The following CDKL4 variants were observed in gnomAD, a reference collection of about 807,000 sequenced individuals.
The protein encoded by CDKL4 is cyclin dependent kinase like 4, also known as cyclin-dependent kinase-like 4.
CDKL4 carries 44 observed loss-of-function variants against 42.0 expected under a neutral mutation model. The observed-to-expected ratio is 1.05, with a 90% CI of 0.82 to 1.35. CDKL4 has a LOEUF of 1.35. Among genes scored for constraint, CDKL4 ranks in the 40% most tolerant of loss-of-function variants. The pLI is 0.00. For missense variants in CDKL4, 393 were observed against 369.9 expected, an observed-to-expected ratio of 1.06 and a Z score of -0.51; for synonymous variants, 120 against 121.6, an observed-to-expected ratio of 0.99 and a Z score of 0.09.
intron 1 of CDKL4, among the ~76,000 whole-genome samples, chr2:39,235,985 T>A (rs1322746907): frequency 6.6e-6 from 1 of 151,802 alleles, no homozygotes; most frequent in African/African-American, 2.4e-5. Flanking sequence ...GACTCAGATG[T>A]TGGATTTAGC....
chr2:39,178,815 C>T, intron 9 of CDKL4: 1 of 1,543,096 alleles, frequency 6.5e-7, no homozygotes, highest in Non-Finnish European at 8.7e-7. Flanking sequence ...CTGGAGGCTA[C>T]AGAAAGGCAC....
intron 8 of CDKL4, among the ~76,000 whole-genome samples, 182 bp downstream of exon 8, chr2:39,184,409 G>A (rs527977145): frequency 2.0e-5 from 3 of 152,280 alleles, no homozygotes; most frequent in East Asian, 1.9e-4. Context: ...AGATATGTTA[G>A]AACAATTACT....
At chr2:39,176,674 T>C (rs909438864) in intron 9 of CDKL4, among the ~76,000 whole-genome samples, 2 of 152,172 alleles carry the variant, frequency 1.3e-5, no homozygotes, top group African/African-American at 4.8e-5. Flanking sequence ...CCTCAGGTGA[T>C]CCACCTGCCT....
intron 6 of CDKL4, among the ~76,000 whole-genome samples, chr2:39,189,932 G>T (rs1385934977): frequency 6.6e-6 from 1 of 152,128 alleles, no homozygotes; most frequent in Non-Finnish European, 1.5e-5. Context: ...TAGAGTAAAG[G>T]GGGGAACCTC....
chr2:39,170,292 A>G, the CDKL4 span, among the ~76,000 whole-genome samples: 970 of 136,092 alleles, frequency 7.1e-3, 8 homozygotes, highest in Non-Finnish European at 0.011. Context: ...AAAAAAAAAA[A>G]AAAGAAAGAA....
chr2:39,207,283 G>T (rs1003551544), intron 4 of CDKL4, among the ~76,000 whole-genome samples: 1 of 152,120 alleles, frequency 6.6e-6, no homozygotes, highest in African/African-American at 2.4e-5. Flanking sequence ...TACACAAGAC[G>T]CTGAGATGGG....
intron 3 of CDKL4, among the ~76,000 whole-genome samples, chr2:39,215,988 C>T (rs1320587167): frequency 6.6e-6 from 1 of 152,196 alleles, no homozygotes; most frequent in African/African-American, 2.4e-5. Context: ...CCTGAAACAA[C>T]ATTGCGTACA....
the CDKL4 span, among the ~76,000 whole-genome samples, chr2:39,170,466 T>C: frequency 1.3e-3 from 196 of 152,176 alleles, 3 homozygotes; most frequent in African/African-American, 4.5e-3. Context: ...GTTGTTGTTG[T>C]TGTTTTTGAG....
chr2:39,235,137 C>G (rs1285429557), intron 1 of CDKL4, among the ~76,000 whole-genome samples: 1 of 152,068 alleles, frequency 6.6e-6, no homozygotes, highest in African/African-American at 2.4e-5. Context: ...CTTGGCCTCC[C>G]AAAATGTTGG....
chr2:39,173,962 A>G (rs533417810), downstream of CDKL4, among the ~76,000 whole-genome samples: 1 of 152,240 alleles, frequency 6.6e-6, no homozygotes, highest in Non-Finnish European at 1.5e-5. Flanking sequence ...TTGGTGACAG[A>G]GTCAGACCCT....
chr2:39,203,779 C>G (rs565773414), intron 5 of CDKL4, among the ~76,000 whole-genome samples: 9 of 152,282 alleles, frequency 5.9e-5, no homozygotes, highest in African/African-American at 2.2e-4. Context: ...TTTTCAGCCG[C>G]ATGGCACAGG....
intron 4 of CDKL4, among the ~76,000 whole-genome samples, chr2:39,207,714 A>G (rs2148341041): frequency 6.6e-6 from 1 of 152,352 alleles, no homozygotes; most frequent in African/African-American, 2.4e-5. Context: ...GACATATTCC[A>G]AAGAAACAGG....
At chr2:39,201,971 CAT>C (rs1189906790) in intron 5 of CDKL4, among the ~76,000 whole-genome samples, 1 of 152,160 alleles carries the variant, frequency 6.6e-6, no homozygotes, top group African/African-American at 2.4e-5. Context: ...GTGGCTAACA[CAT>C]GTAATCCCAG....
intron 1 of CDKL4, among the ~76,000 whole-genome samples, chr2:39,232,917 C>T (rs928798984): frequency 4.6e-5 from 7 of 151,312 alleles, no homozygotes; most frequent in East Asian, 1.9e-4. Flanking sequence ...TGGTGGCACG[C>T]GCCTGTAGTC....
At chr2:39,213,517 G>C (rs1334613766) in intron 3 of CDKL4, 45 bp from the exon 4 acceptor site, 1 of 1,347,190 alleles carries the variant, frequency 7.4e-7, no homozygotes, top group East Asian at 2.3e-5. Context: ...ATAGGATAGA[G>C]TTCCAGAAGC....
rs774170171 is a variant in CDKL4 at position 39,213,380 on chromosome 2, C to T, written c.363+20G>A. ...GTCATCATGAAGAAATGAATAAATA[C>T]ATTAGAAAATGTTACTTACGTTATG... On this transcript the variant is annotated intron_variant, in intron 4 of 9. Coordinates refer to ENST00000451199, the Ensembl canonical transcript of CDKL4. 1.3e-5 allele frequency: 18 copies of T among 1,434,414 alleles called. No individual in the cohort carries two copies. Among genetic ancestry groups the T allele is most frequent in the Non-Finnish European group, 1.8e-5 (18 of 1,022,618 alleles). The allele number at this position is 1,434,414 out of a possible 1,614,324, so 88.9% of individuals were successfully genotyped here. A position where few individuals can be genotyped will look rare whatever the true frequency, so the allele number is the denominator to read the frequency against.
chr2:39,218,899 T>A (rs1339956794), intron 3 of CDKL4, among the ~76,000 whole-genome samples: 1 of 152,158 alleles, frequency 6.6e-6, no homozygotes. Flanking sequence ...ATAATAAATT[T>A]CCTGTTATCA....
rs753058460 is a variant in CDKL4 at position 39,184,578 on chromosome 2, G to A, written c.792+13C>T. The A allele has an allele frequency of 3.8e-6, 6 of 1,594,288 alleles. No individual in the cohort carries two copies. Among genetic ancestry groups the A allele is most frequent in the Non-Finnish European group, 4.3e-6 (5 of 1,163,934 alleles). ...TTTATAGCTAATAAGAGTTATAATT[G>A]ATTCTTAAGTACCTTCATGAAGTTC... On this transcript the variant is annotated intron_variant, in intron 8 of 9. Transcript: ENST00000451199.
downstream of CDKL4, among the ~76,000 whole-genome samples, chr2:39,174,130 C>T (rs1253340346): frequency 2.6e-5 from 4 of 151,982 alleles, no homozygotes; most frequent in Non-Finnish European, 5.9e-5. Context: ...CCTTGCTGGG[C>T]GTGTTGGCGC....
Sources: gnomAD v4.1 joint callset for allele counts (sites outside exome capture counted in the v4.1 genomes callset) on GRCh38, gnomAD v4.1.1 for gene constraint, MANE v1.5 for transcripts, NCBI Gene and HGNC (gene_info 2026-07-23, HGNC 2026-07-21) for gene names.